The following CAMK2D variants were observed in gnomAD, a reference collection of about 807,000 sequenced individuals.
CAMK2D encodes the protein calcium/calmodulin-dependent protein kinase type II subunit delta.
Under a neutral mutation model 84.0 loss-of-function variants are expected in CAMK2D, and 37 were observed. The ratio of observed to expected loss-of-function variants is 0.44; its 90% CI spans 0.34 to 0.58. CAMK2D has a LOEUF of 0.58. CAMK2D is among the 20% of genes least tolerant of loss of function. CAMK2D has a pLI of 0.02. For missense variants in CAMK2D, 448 were observed against 652.5 expected, an observed-to-expected ratio of 0.69 and a Z score of 3.41; for synonymous variants, 202 against 212.5, an observed-to-expected ratio of 0.95 and a Z score of 0.43.
chr4:113,575,574 C>G (rs1004108951), intron 4 of CAMK2D, among the ~76,000 whole-genome samples: 1 of 152,182 alleles, frequency 6.6e-6, no homozygotes, highest in Non-Finnish European at 1.5e-5. Context: ...TGGCCCCTCA[C>G]CAAGTCCTGT....
Position 113,517,586 on chromosome 4 carries a change from G to A in CAMK2D, c.673C>T (p.Gln225Ter). The change falls in exon 9 of 21, where the codon CAG becomes TAG. Residue 225 changes from glutamine to a stop codon, truncating the protein, a stop_gained. Transcript: ENST00000511664. LOFTEE classifies it high-confidence loss of function. ...WDEDQHRLYQ[Q>*]IKAGAYDFPS... ...ACATCATAAGCTCCAGCCTTGATCT[G>A]CTGATAGAGTCTGTGTTGGTCTTCA... 2 of 1,574,438 alleles carry A rather than the reference G, an allele frequency of 1.3e-6. No individual in the cohort carries two copies. Among genetic ancestry groups the A allele is most frequent in the Non-Finnish European group, 1.7e-6 (2 of 1,144,880 alleles).
chr4:113,513,944 TG>T, intron 10 of CAMK2D, 31 bp from the exon 11 acceptor site: 1 of 1,063,512 alleles, frequency 9.4e-7, no homozygotes, highest in East Asian at 2.4e-5. Flanking sequence ...GTAACTTAAT[TG>T]AGAATATTTA....
chr4:113,552,985 T>G (rs2098639861), intron 4 of CAMK2D, among the ~76,000 whole-genome samples: 1 of 152,162 alleles, frequency 6.6e-6, no homozygotes, highest in Admixed American at 6.6e-5. Flanking sequence ...ATTAGCGAGG[T>G]AGATCATTTT....
At chr4:113,593,890 T>C (rs943110155) in intron 4 of CAMK2D, among the ~76,000 whole-genome samples, 4 of 152,090 alleles carry the variant, frequency 2.6e-5, no homozygotes, top group Non-Finnish European at 5.9e-5. Flanking sequence ...ACTATTATTA[T>C]TGAAGGCTTA....
intron 1 of CAMK2D, among the ~76,000 whole-genome samples, chr4:113,759,704 TCA>T (rs2099636338): frequency 6.6e-6 from 1 of 152,178 alleles, no homozygotes; most frequent in African/African-American, 2.4e-5. Context: ...CAGTTCACAC[TCA>T]CAGCACCAAA....
At chr4:113,585,071 A>C (rs2098827706) in intron 4 of CAMK2D, among the ~76,000 whole-genome samples, 1 of 152,108 alleles carries the variant, frequency 6.6e-6, no homozygotes, top group African/African-American at 2.4e-5. Context: ...TTCTCAGCTT[A>C]TTTTTAGTAG....
chr4:113,505,531 T>C (rs752808186), intron 13 of CAMK2D, among the ~76,000 whole-genome samples: 2 of 152,174 alleles, frequency 1.3e-5, no homozygotes, highest in African/African-American at 2.4e-5. Flanking sequence ...AATTTAGATC[T>C]TCTGAGAAAA....
intron 3 of CAMK2D, among the ~76,000 whole-genome samples, chr4:113,648,961 C>T (rs1298312375): frequency 6.6e-6 from 1 of 152,170 alleles, no homozygotes; most frequent in African/African-American, 2.4e-5. Flanking sequence ...TTTCTAATTT[C>T]TCCCAATGTT....
intron 2 of CAMK2D, among the ~76,000 whole-genome samples, chr4:113,714,319 G>A (rs768379553): frequency 6.6e-6 from 1 of 151,856 alleles, no homozygotes; most frequent in African/African-American, 2.4e-5. Flanking sequence ...AGTAAGTTTG[G>A]GTATCTGGTA....
Position 113,460,364 on chromosome 4 carries a change from A to G in CAMK2D, c.1212-123T>C. 5.8e-6 allele frequency: 4 copies of G among 693,144 alleles called. No individual in the cohort carries two copies. The Admixed American group carries it at 1.1e-4, about 20-fold the overall frequency. 42.9% of individuals were successfully genotyped at this position (693,144 alleles called of 1,614,324 possible). A position where few individuals can be genotyped will look rare whatever the true frequency, so the allele number is the denominator to read the frequency against. On this transcript the variant is annotated intron_variant, in intron 17 of 20. Coordinates refer to ENST00000511664, the MANE Select transcript of CAMK2D (RefSeq NM_001321571.2). ...AAAGAGCCTCTAAAAACACTTACAT[A>G]CAAAAGTTCTATCATAAACCTTGGC...
At chr4:113,492,368 C>T (rs903148372) in intron 16 of CAMK2D, among the ~76,000 whole-genome samples, 27 of 152,098 alleles carry the variant, frequency 1.8e-4, no homozygotes, top group Admixed American at 1.7e-3. Flanking sequence ...TTTCAAAGAA[C>T]ATCTTTATTT....
intron 2 of CAMK2D, among the ~76,000 whole-genome samples, chr4:113,732,919 T>C (rs2099572635): frequency 6.6e-6 from 1 of 152,128 alleles, no homozygotes; most frequent in African/African-American, 2.4e-5. Context: ...ACAATATAAA[T>C]GAAAAAGACT....
At chr4:113,624,777 G>A (rs967143565) in intron 3 of CAMK2D, among the ~76,000 whole-genome samples, 1 of 152,118 alleles carries the variant, frequency 6.6e-6, no homozygotes, top group Non-Finnish European at 1.5e-5. Context: ...AATCATCTCT[G>A]GTGAATGATA....
At chr4:113,533,091 C>T (rs952128668) in intron 7 of CAMK2D, among the ~76,000 whole-genome samples, 3 of 151,970 alleles carry the variant, frequency 2.0e-5, no homozygotes, top group Non-Finnish European at 4.4e-5. Flanking sequence ...AATACCTCTC[C>T]TAAGCTTCCC....
At chr4:113,679,443 A>G (rs1277817718) in intron 2 of CAMK2D, 1 of 979,570 alleles carries the variant, frequency 1.0e-6, no homozygotes, top group Non-Finnish European at 1.2e-6. Flanking sequence ...ATTCTTCCCT[A>G]GATGTCCATC....
chr4:113,624,733 G>A (rs2099060638), intron 3 of CAMK2D, among the ~76,000 whole-genome samples: 1 of 152,100 alleles, frequency 6.6e-6, no homozygotes, highest in Non-Finnish European at 1.5e-5. Context: ...GTGTATCAGT[G>A]GGTTGTTTTA....
chr4:113,454,113 C>T lies in CAMK2D; in HGVS notation c.*432G>A, dbSNP rs1424361118. 7.0e-6 allele frequency: 1 copy of T among 142,684 alleles called. No homozygotes were observed. Among genetic ancestry groups the T allele is most frequent in the African/African-American group, 2.7e-5 (1 of 37,300 alleles). 8.8% of individuals were successfully genotyped at this position (142,684 alleles called of 1,614,324 possible). On this transcript the variant is annotated 3_prime_UTR_variant, in exon 21 of 21. Coordinates refer to ENST00000511664, the MANE Select transcript of CAMK2D (RefSeq NM_001321571.2). The stretch of plus-strand genomic sequence containing the variant: ...AAAAAAAAAAAAAAAACCAAACAAA[C>T]CAAAACAGATTAACAGCAAAGAGTT...
chr4:113,648,250 G>A (rs1263581541), intron 3 of CAMK2D, among the ~76,000 whole-genome samples: 1 of 152,002 alleles, frequency 6.6e-6, no homozygotes, highest in East Asian at 1.9e-4. Flanking sequence ...AAATTTAGCT[G>A]TTTTATATAT....
chr4:113,513,262 C>CA (rs2098241516), intron 12 of CAMK2D, 66 bp downstream of exon 12: 12 of 1,579,202 alleles, frequency 7.6e-6, no homozygotes, highest in South Asian at 1.2e-5. Flanking sequence ...ATTCCAGAGA[C>CA]AAAAAAACAG....
Sources: allele counts gnomAD v4.1 joint callset (sites outside exome capture counted in the v4.1 genomes callset), GRCh38; gene constraint gnomAD v4.1.1; transcripts MANE v1.5; gene names NCBI Gene and HGNC (gene_info 2026-07-23, HGNC 2026-07-21).